Variants in FBXL17 observed in about 807,000 individuals in gnomAD.
FBXL17 encodes F-box and leucine rich repeat protein 17.
FBXL17 carries 22 observed loss-of-function variants against 66.2 expected under a neutral mutation model. That is an observed-to-expected ratio of 0.33 (90% CI 0.24 to 0.47). The LOEUF (loss-of-function observed/expected upper bound fraction) is 0.47, where lower values mean the gene tolerates loss of function less well. Among genes scored for constraint, FBXL17 ranks in the 20% least tolerant of loss-of-function variants. FBXL17 has a pLI of 1.00. For synonymous variants in FBXL17, 474 were observed against 400.5 expected (o/e 1.18, Z -2.19); for missense variants, 878 against 948.2 (o/e 0.93, Z 0.97).
chr5:108,312,339 AT>A (rs1446046881), intron 4 of FBXL17, among the ~76,000 whole-genome samples: 1 of 152,102 alleles, frequency 6.6e-6, no homozygotes, highest in Non-Finnish European at 1.5e-5. Flanking sequence ...GTAGAAAGCA[AT>A]TTCCTTTCTC....
rs115029170 is a variant in FBXL17 at position 108,152,374 on chromosome 5, G to A, written c.1745+33743C>T. On this transcript the variant is annotated intron_variant, in intron 6 of 8. Coordinates refer to ENST00000542267, the MANE Select transcript of FBXL17 (RefSeq NM_001163315.3). ...AGGACACAATGGTGTCCAACAGGTC[G>A]GGCATTGTGGATCTTTCTATATAGT... Among the ~76,000 whole-genome samples, 946 of 152,246 alleles carry A rather than the reference G, an allele frequency of 6.2e-3. 10 individuals are homozygous for A. The highest frequency in any genetic ancestry group is 0.021 in the African/African-American group (880 of 41,524).
intron 6 of FBXL17, among the ~76,000 whole-genome samples, chr5:108,036,489 A>G (rs1174442549): frequency 6.6e-6 from 1 of 152,150 alleles, no homozygotes; most frequent in Non-Finnish European, 1.5e-5. Flanking sequence ...TCTGGCCCTC[A>G]CAGAAATTTA....
At chr5:108,290,330 G>A (rs1758060647) in intron 4 of FBXL17, among the ~76,000 whole-genome samples, 1 of 152,212 alleles carries the variant, frequency 6.6e-6, no homozygotes, top group African/African-American at 2.4e-5. Flanking sequence ...TACACAAAGA[G>A]GAGTTAGGAA....
intron 6 of FBXL17, among the ~76,000 whole-genome samples, chr5:108,088,725 AAAAAAAAAAAAAAAG>A (rs1414868040): frequency 1.3e-4 from 20 of 148,174 alleles, no homozygotes; most frequent in Admixed American, 1.3e-3. Flanking sequence ...AAAAAAAAAA[AAAAAAAAAAAAAAAG>A]ATACCTGTAT....
intron 1 of FBXL17, among the ~76,000 whole-genome samples, chr5:108,368,959 A>G (rs1025239837): frequency 1.3e-5 from 2 of 151,258 alleles, no homozygotes; most frequent in Admixed American, 6.6e-5. Context: ...CAATTTGACC[A>G]AAAGGAAATT....
At chr5:108,325,894 T>C (rs1285635594) in intron 4 of FBXL17, among the ~76,000 whole-genome samples, 2 of 152,152 alleles carry the variant, frequency 1.3e-5, no homozygotes, top group Non-Finnish European at 2.9e-5. Flanking sequence ...AGCTAACATT[T>C]TCTAGCCTAC....
chr5:108,334,697 T>C (rs1245557368), intron 4 of FBXL17, among the ~76,000 whole-genome samples: 1 of 152,216 alleles, frequency 6.6e-6, no homozygotes, highest in African/African-American at 2.4e-5. Context: ...ATAAAATACA[T>C]ATTCAACAAG....
chr5:108,230,322 A>G (rs1264478745), intron 4 of FBXL17, among the ~76,000 whole-genome samples: 2 of 152,198 alleles, frequency 1.3e-5, no homozygotes, highest in African/African-American at 4.8e-5. Flanking sequence ...AACCAGCCCA[A>G]ATGCCTATCA....
At chr5:108,224,919 C>T (rs1580648053) in intron 4 of FBXL17, among the ~76,000 whole-genome samples, 1 of 152,226 alleles carries the variant, frequency 6.6e-6, no homozygotes, top group East Asian at 1.9e-4. Context: ...TAAGCAATCA[C>T]ACCCAACCAA....
chr5:108,100,628 T>A (rs374464889), intron 6 of FBXL17, among the ~76,000 whole-genome samples: 1 of 152,208 alleles, frequency 6.6e-6, no homozygotes, highest in Admixed American at 6.5e-5. Flanking sequence ...GAAGAACTCC[T>A]AGGAGACTCT....
At position 107,942,052 on chromosome 5, in the gene FBXL17, A is replaced by G. The variant is rs561504146; in HGVS notation, c.1823-60873T>C. On this transcript the variant is annotated intron_variant, in intron 7 of 8. Coordinates refer to ENST00000542267, the MANE Select transcript of FBXL17 (RefSeq NM_001163315.3). The stretch of plus-strand genomic sequence containing the variant: ...AAAGGTACCATGTTGGTCCCTGACC[A>G]TGGGAGGCCAGGGGCACAGATGTTC... Among the ~76,000 whole-genome samples, 6 of 152,224 alleles carry G rather than the reference A, an allele frequency of 3.9e-5. No individual in the cohort carries two copies. The South Asian group carries it at 1.0e-3, about 26-fold the overall frequency.
chr5:108,051,165 G>A (rs987622830), intron 6 of FBXL17, among the ~76,000 whole-genome samples: 4 of 152,118 alleles, frequency 2.6e-5, no homozygotes, highest in African/African-American at 9.7e-5. Flanking sequence ...GTACAAAGAG[G>A]AGCTGGTACT....
intron 4 of FBXL17, among the ~76,000 whole-genome samples, chr5:108,294,951 T>G (rs1285579830): frequency 6.6e-6 from 1 of 152,048 alleles, no homozygotes; most frequent in Non-Finnish European, 1.5e-5. Flanking sequence ...ATTTTTAAAT[T>G]TAAGAGTCTA....
At chr5:108,362,696 A>C (rs953599721) in intron 3 of FBXL17, among the ~76,000 whole-genome samples, 10 of 152,136 alleles carry the variant, frequency 6.6e-5, no homozygotes, top group African/African-American at 2.2e-4. Context: ...CCAATAGTTA[A>C]AACATTAGAG....
rs776348067 is a variant in FBXL17, at chr5:107,881,189, G to A, written c.1823-10C>T. 6.5e-7 allele frequency: 1 copy of A among 1,546,216 alleles called. No homozygotes were observed. The highest frequency in any genetic ancestry group is 8.9e-7 in the Non-Finnish European group (1 of 1,128,844). On this transcript the variant is annotated splice_polypyrimidine_tract_variant and intron_variant, in intron 7 of 8. Transcript: ENST00000542267. The stretch of plus-strand genomic sequence containing the variant: ...CCAATGGCTATCAGTGCTGCAAGAA[G>A]GGACGCAGAGAAAGCATTAATGTTA...
At chr5:107,992,587 G>A (rs1753293990) in intron 7 of FBXL17, among the ~76,000 whole-genome samples, 1 of 152,116 alleles carries the variant, frequency 6.6e-6, no homozygotes, top group South Asian at 2.1e-4. Context: ...ACTGAAACAG[G>A]AAGAATTATT....
At chr5:108,023,874 T>C (rs565148760) in intron 6 of FBXL17, among the ~76,000 whole-genome samples, 5 of 152,282 alleles carry the variant, frequency 3.3e-5, no homozygotes, top group South Asian at 4.1e-4. Context: ...AGTGATAATC[T>C]TGAAGTGAGA....
intron 4 of FBXL17, among the ~76,000 whole-genome samples, chr5:108,266,744 T>G (rs1262256275): frequency 6.6e-6 from 1 of 152,130 alleles, no homozygotes. Context: ...ATGCTAGTTT[T>G]GCCATCACAC....
At chr5:107,945,499 T>C (rs1751253601) in intron 7 of FBXL17, among the ~76,000 whole-genome samples, 2 of 152,074 alleles carry the variant, frequency 1.3e-5, no homozygotes, top group Admixed American at 6.6e-5. Context: ...TAAGTTGGGG[T>C]TGTTATATAT....
Sources: gnomAD v4.1 joint callset for allele counts (sites outside exome capture counted in the v4.1 genomes callset) on GRCh38, gnomAD v4.1.1 for gene constraint, MANE v1.5 for transcripts, NCBI Gene and HGNC (gene_info 2026-07-23, HGNC 2026-07-21) for gene names.